The following CNTFR variants were observed in gnomAD, a reference collection of about 807,000 sequenced individuals.
CNTFR encodes ciliary neurotrophic factor receptor subunit alpha.
A neutral mutation model predicts 40.4 loss-of-function variants in CNTFR; 12 were observed. The ratio of observed to expected loss-of-function variants is 0.30; its 90% CI spans 0.19 to 0.48. The LOEUF is 0.48. Among genes scored for constraint, CNTFR ranks in the 20% least tolerant of loss-of-function variants. CNTFR has a pLI of 0.99. For synonymous variants in CNTFR, 202 were observed against 209.6 expected (o/e 0.96, Z 0.31); for missense variants, 414 against 506.8 (o/e 0.82, Z 1.76).
intron 1 of CNTFR, among the ~76,000 whole-genome samples, chr9:34,586,933 A>G (rs1157094643): frequency 2.0e-5 from 3 of 152,254 alleles, no homozygotes; most frequent in Non-Finnish European, 2.9e-5. Flanking sequence ...AAGCATGGGC[A>G]TATCTGACCA....
intron 4 of CNTFR, among the ~76,000 whole-genome samples, chr9:34,560,674 T>C (rs998757020): frequency 2.0e-5 from 3 of 152,038 alleles, no homozygotes; most frequent in African/African-American, 7.2e-5. Context: ...GAGCAAATGC[T>C]CTTATGCACA....
At chr9:34,562,482 C>T (rs1826114019) in intron 4 of CNTFR, among the ~76,000 whole-genome samples, 1 of 152,336 alleles carries the variant, frequency 6.6e-6, no homozygotes, top group Admixed American at 6.5e-5. Context: ...AATACATTTT[C>T]ACACCTCTTT....
At chr9:34,554,213 C>G (rs1323565857) in intron 7 of CNTFR, among the ~76,000 whole-genome samples, 1 of 152,174 alleles carries the variant, frequency 6.6e-6, no homozygotes, top group Non-Finnish European at 1.5e-5. Context: ...ACCCCAGTCC[C>G]TTTCTGCTCG....
At chr9:34,553,974 A>G (rs1825737288) in intron 7 of CNTFR, among the ~76,000 whole-genome samples, 1 of 151,668 alleles carries the variant, frequency 6.6e-6, no homozygotes, top group Admixed American at 6.6e-5. Context: ...GTGCATGCAC[A>G]CGTGTGTGTA....
At chr9:34,561,318 C>G (rs928302090) in intron 4 of CNTFR, among the ~76,000 whole-genome samples, 2 of 152,198 alleles carry the variant, frequency 1.3e-5, no homozygotes, top group Non-Finnish European at 2.9e-5. Context: ...CCTAACCAAT[C>G]AAATAAAAGT....
Position 34,552,875 on chromosome 9 carries a change from G to T in CNTFR, c.769-21C>A. 1.2e-6 allele frequency: 2 copies of T among 1,606,280 alleles called. No individual in the cohort carries two copies. Among genetic ancestry groups the T allele is most frequent in the Non-Finnish European group, 1.7e-6 (2 of 1,179,340 alleles). On this transcript the variant is annotated intron_variant, in intron 7 of 9. Transcript: ENST00000378980. The surrounding 1 kb of genome is among the most constrained non-coding windows in gnomAD (Gnocchi z 5.1). The stretch of plus-strand genomic sequence containing the variant: ...TCCACCTGCAGCCAGACCATGGGGT[G>T]GGGGTAAGGACACACCTGGGGGCCA...
intron 1 of CNTFR, among the ~76,000 whole-genome samples, chr9:34,583,121 C>T (rs971743903): frequency 1.3e-5 from 2 of 152,202 alleles, no homozygotes; most frequent in Non-Finnish European, 2.9e-5. Flanking sequence ...CAGACCAGCC[C>T]CCCATAAACC....
At position 34,552,815 on chromosome 9, in the gene CNTFR, C is replaced by T. The variant is rs1825692589; in HGVS notation, c.808G>A (p.Ala270Thr). The change falls in exon 8 of 10, where the codon GCC becomes ACC. Residue 270 changes from alanine (A) to threonine (T), a missense_variant. Ala to Thr is a moderately conservative substitution (Grantham distance 58). This residue lies in a region of CNTFR where 83 missense variants were observed against 145.0 expected (regional missense o/e 0.57). Transcript: ENST00000378980. The surrounding 1 kb of genome is among the most constrained non-coding windows in gnomAD (Gnocchi z 5.1). ...ATAATGTACTCCTTCCCGGCGTAGGCATCTGTGATGGTGTGTGCTGTGCCG... is the reference window on the plus strand; with the variant it reads ...ATAATGTACTCCTTCCCGGCGTAGGTATCTGTGATGGTGTGTGCTGTGCCG... Reference protein sequence around the residue: ...SDGTAHTITDAYAGKEYIIQV... With the variant: ...SDGTAHTITDTYAGKEYIIQV... 1 of 1,613,396 alleles carries T rather than the reference C, an allele frequency of 6.2e-7. No individual in the cohort carries two copies. The highest frequency in any genetic ancestry group is 1.7e-5 in the Admixed American group (1 of 59,982).
In CNTFR at chr9:34,556,251, T is replaced by C. The variant is rs1825830791; in HGVS notation, c.768+4A>G. On this transcript the variant is annotated splice_donor_region_variant and intron_variant, in intron 7 of 9. Coordinates refer to ENST00000378980, the MANE Select transcript of CNTFR (RefSeq NM_147164.3). ...CCAGGATCTTGGCCGGGCAGGGCAC[T>C]CACATGCTGCCACTGGTCCAGGATG... 6.2e-7 allele frequency: 1 copy of C among 1,609,344 alleles called. No homozygotes were observed. Among genetic ancestry groups the C allele is most frequent in the African/African-American group, 1.3e-5 (1 of 74,734 alleles).
At chr9:34,583,716 C>T (rs1827427347) in intron 1 of CNTFR, among the ~76,000 whole-genome samples, 1 of 152,174 alleles carries the variant, frequency 6.6e-6, no homozygotes. Context: ...TCACGCTTGC[C>T]CCCAGCCCCC....
At chr9:34,559,683 G>A (rs887214601) in intron 4 of CNTFR, among the ~76,000 whole-genome samples, 1 of 152,108 alleles carries the variant, frequency 6.6e-6, no homozygotes, top group Non-Finnish European at 1.5e-5. Context: ...CCAAGCCAGA[G>A]TTGGCAGCCA....
chr9:34,558,375 G>T (rs772083594), intron 4 of CNTFR, among the ~76,000 whole-genome samples: 23 of 152,206 alleles, frequency 1.5e-4, no homozygotes, highest in Non-Finnish European at 2.8e-4. Context: ...GACGAGGGGA[G>T]TCTTGAATGG....
At chr9:34,554,320 C>G (rs1393422284) in intron 7 of CNTFR, among the ~76,000 whole-genome samples, 1 of 152,176 alleles carries the variant, frequency 6.6e-6, no homozygotes, top group Non-Finnish European at 1.5e-5. Context: ...TCTCTCCCCA[C>G]AGGGAGGGAG....
intron 7 of CNTFR, among the ~76,000 whole-genome samples, chr9:34,555,367 A>C (rs930966670): frequency 2.6e-5 from 4 of 152,026 alleles, no homozygotes; most frequent in Non-Finnish European, 5.9e-5. Flanking sequence ...GTGGGGGTAC[A>C]AGTTGACCCC....
intron 6 of CNTFR, 86 bp from the exon 7 acceptor site, chr9:34,556,504 A>G (rs1246941432): frequency 2.2e-6 from 3 of 1,344,540 alleles, no homozygotes; most frequent in Non-Finnish European, 3.1e-6. Context: ...TGACCCTCTC[A>G]TATTGCCAAC....
chr9:34,554,389 C>G (rs935858521), intron 7 of CNTFR, among the ~76,000 whole-genome samples: 1 of 152,192 alleles, frequency 6.6e-6, no homozygotes, highest in African/African-American at 2.4e-5. Context: ...CACCATACCT[C>G]CAGGAATGTG....
At chr9:34,579,516 G>A (rs1427271674) in intron 2 of CNTFR, among the ~76,000 whole-genome samples, 1 of 152,020 alleles carries the variant, frequency 6.6e-6, no homozygotes, top group Non-Finnish European at 1.5e-5. Flanking sequence ...GAGACAGAAG[G>A]AAATGCAGAG....
chr9:34,556,449 C>A, intron 6 of CNTFR, 31 bp from the exon 7 acceptor site: 5 of 1,555,570 alleles, frequency 3.2e-6, no homozygotes, highest in Non-Finnish European at 4.4e-6. Flanking sequence ...CATTACTACA[C>A]TAATCACTGG....
intron 2 of CNTFR, among the ~76,000 whole-genome samples, chr9:34,575,974 G>C (rs1327891904): frequency 6.7e-6 from 1 of 148,840 alleles, no homozygotes; most frequent in Non-Finnish European, 1.5e-5. Context: ...GTTCCTGATG[G>C]GTAAACACAG....
Sources: gnomAD v4.1 joint callset for allele counts (sites outside exome capture counted in the v4.1 genomes callset) on GRCh38, gnomAD v4.1.1 for gene constraint, gnomAD v4.1.1 regional missense constraint, Gnocchi (gnomAD v3.1) non-coding constraint, MANE v1.5 for transcripts, NCBI Gene and HGNC (gene_info 2026-07-23, HGNC 2026-07-21) for gene names.